The following ACBD6 variants were observed in gnomAD, a reference collection of about 807,000 sequenced individuals.
ACBD6 encodes the protein acyl-CoA binding domain containing 6.
Under a neutral mutation model 37.2 loss-of-function variants are expected in ACBD6, and 28 were observed. The observed-to-expected ratio is 0.75, with a 90% CI of 0.56 to 1.03. ACBD6 has a LOEUF of 1.03. Ranked by LOEUF, ACBD6 falls within the 50% of genes least tolerant of loss-of-function variation. The pLI, the probability that ACBD6 is intolerant of heterozygous loss-of-function variation, is 0.00. For synonymous variants in ACBD6, 113 were observed against 126.8 expected (o/e 0.89, Z 0.73); for missense variants, 340 against 337.4 (o/e 1.01, Z -0.06).
At chr1:180,354,056 C>T (rs775581710) in intron 6 of ACBD6, among the ~76,000 whole-genome samples, 1 of 152,192 alleles carries the variant, frequency 6.6e-6, no homozygotes, top group Non-Finnish European at 1.5e-5. Flanking sequence ...CTTTCCCTAT[C>T]CCCAATTCAC....
chr1:180,274,059 C>A, exon 11 of ACBD6: 4 of 1,215,462 alleles, frequency 3.3e-6, no homozygotes, highest in Non-Finnish European at 4.8e-6. Context: ...CTGACCCATG[C>A]TTGGCTGCAA....
chr1:180,432,487 A>G (rs952201296), intron 3 of ACBD6, among the ~76,000 whole-genome samples: 7 of 151,998 alleles, frequency 4.6e-5, no homozygotes, highest in African/African-American at 1.7e-4. Flanking sequence ...GATAGCAAAT[A>G]AGCGAGTGAC....
chr1:180,332,819 C>T (rs999187118), intron 6 of ACBD6, among the ~76,000 whole-genome samples: 5 of 152,036 alleles, frequency 3.3e-5, no homozygotes, highest in Non-Finnish European at 7.4e-5. Context: ...GAAACCTGTC[C>T]CTGGTGTCAA....
chr1:180,490,795 A>AG (rs1157108438), intron 3 of ACBD6, among the ~76,000 whole-genome samples: 2 of 150,564 alleles, frequency 1.3e-5, no homozygotes, highest in Admixed American at 6.6e-5. Context: ...CAAAAAAAAA[A>AG]AAAAAGAAAA....
At chr1:180,461,725 G>A (rs369941731) in intron 3 of ACBD6, among the ~76,000 whole-genome samples, 5 of 152,118 alleles carry the variant, frequency 3.3e-5, no homozygotes, top group African/African-American at 9.7e-5. Flanking sequence ...AAGGGACTTC[G>A]TTAGCACCCA....
intron 6 of ACBD6, among the ~76,000 whole-genome samples, chr1:180,363,557 A>G (rs986690119): frequency 2.0e-5 from 3 of 152,202 alleles, no homozygotes; most frequent in African/African-American, 7.2e-5. Context: ...GTAACGGGCA[A>G]AGCAAAGACT....
chr1:180,300,780 CACAG>C (rs1176193177), intron 7 of ACBD6, among the ~76,000 whole-genome samples: 1 of 152,072 alleles, frequency 6.6e-6, no homozygotes, highest in Non-Finnish European at 1.5e-5. Flanking sequence ...TATAAAAGCA[CACAG>C]ACAGAAATAT....
At chr1:180,439,473 C>A (rs1016503633) in intron 3 of ACBD6, among the ~76,000 whole-genome samples, 5 of 152,130 alleles carry the variant, frequency 3.3e-5, no homozygotes, top group African/African-American at 1.2e-4. Context: ...CGCCTGTAGT[C>A]CCAGTTACTC....
At chr1:180,273,987 TTTC>T (rs2149268401) in exon 11 of ACBD6, 1 of 618,602 alleles carries the variant, frequency 1.6e-6, no homozygotes, top group African/African-American at 1.8e-5. Flanking sequence ...TTTGCAGGTG[TTTC>T]TTGTTTTTCT....
intron 7 of ACBD6, among the ~76,000 whole-genome samples, chr1:180,301,341 C>T (rs1014868579): frequency 2.0e-5 from 3 of 152,156 alleles, no homozygotes; most frequent in Non-Finnish European, 4.4e-5. Context: ...AAAAACTTAA[C>T]TACTAATATT....
At chr1:180,370,772 T>C (rs1475615176) in intron 6 of ACBD6, among the ~76,000 whole-genome samples, 7 of 152,086 alleles carry the variant, frequency 4.6e-5, no homozygotes, top group African/African-American at 1.4e-4. Flanking sequence ...GGTATACAAA[T>C]GTAGTCTCTG....
chr1:180,382,538 G>T (rs1375622935), intron 6 of ACBD6, among the ~76,000 whole-genome samples: 4 of 152,120 alleles, frequency 2.6e-5, no homozygotes, highest in African/African-American at 7.2e-5. Context: ...CCAACAGTGA[G>T]TAATGAGATT....
intron 3 of ACBD6, among the ~76,000 whole-genome samples, chr1:180,449,818 A>G (rs1375410634): frequency 6.6e-6 from 1 of 151,790 alleles, no homozygotes; most frequent in East Asian, 1.9e-4. Context: ...TGCAAATGAC[A>G]AGTTAATGGG....
intron 6 of ACBD6, among the ~76,000 whole-genome samples, chr1:180,333,602 G>A (rs1281541212): frequency 6.6e-6 from 1 of 152,196 alleles, no homozygotes; most frequent in Non-Finnish European, 1.5e-5. Context: ...CGCAGAAGAC[G>A]GGTGATTTCT....
intron 5 of ACBD6, among the ~76,000 whole-genome samples, chr1:180,404,449 A>AAT (rs1647521842): frequency 6.6e-6 from 1 of 151,960 alleles, no homozygotes; most frequent in Non-Finnish European, 1.5e-5. Flanking sequence ...ATGTGAAAAA[A>AAT]ATATATATAT....
intron 7 of ACBD6, among the ~76,000 whole-genome samples, chr1:180,296,930 T>C (rs1195525501): frequency 1.3e-5 from 2 of 151,888 alleles, no homozygotes. Context: ...ATCGAAACCA[T>C]CCTGGCTAAC....
chr1:180,484,253 C>T (rs2102075221), intron 3 of ACBD6, among the ~76,000 whole-genome samples: 1 of 151,010 alleles, frequency 6.6e-6, no homozygotes, highest in South Asian at 2.1e-4. Context: ...TTTCCAATTT[C>T]ACCAAAGTTT....
At chr1:180,451,010 G>A (rs1396243631) in intron 3 of ACBD6, among the ~76,000 whole-genome samples, 1 of 152,150 alleles carries the variant, frequency 6.6e-6, no homozygotes, top group Non-Finnish European at 1.5e-5. Context: ...CTAAAAGACT[G>A]TATGCTAGAA....
At chr1:180,368,441 A>C (rs915151858) in intron 6 of ACBD6, among the ~76,000 whole-genome samples, 5 of 152,136 alleles carry the variant, frequency 3.3e-5, no homozygotes, top group African/African-American at 1.2e-4. Context: ...TTTATCATGA[A>C]ATCTTTGCCA....
Sources: allele counts gnomAD v4.1 joint callset (sites outside exome capture counted in the v4.1 genomes callset), GRCh38; gene constraint gnomAD v4.1.1; transcripts MANE v1.5; gene names NCBI Gene and HGNC (gene_info 2026-07-23, HGNC 2026-07-21).